The following HFM1 variants were observed in gnomAD, a reference collection of about 807,000 sequenced individuals.
HFM1 encodes helicase for meiosis 1.
Under a neutral mutation model 192.1 loss-of-function variants are expected in HFM1, and 169 were observed. That is an observed-to-expected ratio of 0.88 (90% CI 0.78 to 1.00). The LOEUF (loss-of-function observed/expected upper bound fraction) is 1.00, where lower values mean the gene tolerates loss of function less well. HFM1 is among the 50% of genes least tolerant of loss of function. The pLI is 0.00. For missense variants in HFM1, 1,661 were observed against 1,668.0 expected (o/e 1.00, Z 0.07); for synonymous variants, 525 against 537.8 (o/e 0.98, Z 0.33).
rs564205263 is a variant in HFM1, at chr1:91,302,762, T to A, written c.3391+10587A>T. ...ACACATAGACACAGGAAGTGGAACA[T>A]CACACTCTGGGGCCTGTTGTGGGGT... On this transcript the variant is annotated intron_variant, in intron 30 of 38. Coordinates refer to ENST00000370425, the MANE Select transcript of HFM1 (RefSeq NM_001017975.6). Among the ~76,000 whole-genome samples the A allele has an allele frequency of 2.2e-3, 287 of 128,322 alleles. 4 individuals carry two copies. The highest frequency in any genetic ancestry group is 8.2e-3 in the African/African-American group (280 of 34,094). 84.2% of individuals were successfully genotyped at this position (128,322 alleles called of 152,430 possible). A position where few individuals can be genotyped will look rare whatever the true frequency, so the allele number is the denominator to read the frequency against.
chr1:91,315,784 T>C (rs1651100679), intron 28 of HFM1, 31 bp downstream of exon 28: 3 of 1,550,658 alleles, frequency 1.9e-6, no homozygotes, highest in Non-Finnish European at 2.6e-6. Context: ...TGCTTAGAAA[T>C]AAGATCAAAC....
intron 13 of HFM1, among the ~76,000 whole-genome samples, chr1:91,355,461 T>A (rs1657596274): frequency 6.7e-6 from 1 of 150,244 alleles, no homozygotes; most frequent in Non-Finnish European, 1.5e-5. Context: ...TCCAACTACA[T>A]GCTGCCTACC....
chr1:91,398,591 C>A (rs1382372964), intron 2 of HFM1, among the ~76,000 whole-genome samples: 1 of 152,110 alleles, frequency 6.6e-6, no homozygotes. Flanking sequence ...GGCCTTAGAC[C>A]ACCTTATAGT....
intron 16 of HFM1, among the ~76,000 whole-genome samples, chr1:91,351,898 T>C (rs1311898895): frequency 6.6e-6 from 1 of 152,046 alleles, no homozygotes; most frequent in Non-Finnish European, 1.5e-5. Context: ...CAAACTTTGG[T>C]AACTGTATAA....
chr1:91,323,842 C>T (rs1281090174), intron 21 of HFM1, among the ~76,000 whole-genome samples: 1 of 152,144 alleles, frequency 6.6e-6, no homozygotes, highest in African/African-American at 2.4e-5. Flanking sequence ...AATGTTTACA[C>T]AAAAATACAA....
intron 2 of HFM1, among the ~76,000 whole-genome samples, chr1:91,397,001 G>A (rs1663742013): frequency 1.3e-5 from 2 of 152,160 alleles, no homozygotes; most frequent in African/African-American, 4.8e-5. Context: ...CTGTACATGA[G>A]AGGGCTCTAG....
chr1:91,368,044 AG>A (rs1240404362), intron 13 of HFM1, among the ~76,000 whole-genome samples: 1 of 152,144 alleles, frequency 6.6e-6, no homozygotes. Context: ...AGAAGTTTAG[AG>A]AAAAAAGAAT....
intron 20 of HFM1, chr1:91,329,535 A>G (rs1178016858): frequency 5.5e-6 from 8 of 1,459,036 alleles, no homozygotes; most frequent in Non-Finnish European, 7.4e-6. Context: ...TTTCCCCATT[A>G]TACCTCCTTG....
intron 13 of HFM1, among the ~76,000 whole-genome samples, chr1:91,361,211 G>C (rs1658455551): frequency 1.3e-5 from 2 of 150,978 alleles, no homozygotes; most frequent in African/African-American, 4.9e-5. Context: ...TGAACCGAAG[G>C]AGATAGAGAC....
intron 30 of HFM1, among the ~76,000 whole-genome samples, chr1:91,305,811 T>A (rs1040863681): frequency 6.6e-5 from 10 of 152,014 alleles, no homozygotes; most frequent in African/African-American, 2.4e-4. Flanking sequence ...CAAGTGATCC[T>A]CCTACCTCGG....
rs1665918891 is a variant in HFM1, at chr1:91,267,899, G to A, written c.3773-44C>T. 4 of 1,035,378 alleles carry A rather than the reference G, an allele frequency of 3.9e-6. No individual in the cohort carries two copies. In the South Asian group the frequency reaches 4.3e-5, roughly 11 times the overall value. The allele number at this position is 1,035,378 out of a possible 1,614,324, so 64.1% of individuals were successfully genotyped here. ...TTTTATCTGCATCTGTCAAATGTTG[G>A]TTTCCAGATATATTAAGATTTCTGT... On this transcript the variant is annotated intron_variant, in intron 34 of 38. Coordinates refer to ENST00000370425, the MANE Select transcript of HFM1 (RefSeq NM_001017975.6).
chr1:91,295,479 C>T (rs1420840833), intron 30 of HFM1, among the ~76,000 whole-genome samples: 1 of 152,114 alleles, frequency 6.6e-6, no homozygotes, highest in African/African-American at 2.4e-5. Flanking sequence ...TCCTAATTTC[C>T]TCTTCTTATA....
At chr1:91,378,571 T>C (rs992668132) in intron 9 of HFM1, 91 bp from the exon 10 acceptor site, 2 of 732,602 alleles carry the variant, frequency 2.7e-6, no homozygotes, top group Non-Finnish European at 4.5e-6. Context: ...ACATGACGTA[T>C]TACAAATAAT....
intron 30 of HFM1, among the ~76,000 whole-genome samples, chr1:91,288,340 G>A (rs956094804): frequency 1.3e-5 from 2 of 150,788 alleles, no homozygotes; most frequent in African/African-American, 4.9e-5. Context: ...CAAGCCAGAA[G>A]AGAGTGGGGG....
intron 30 of HFM1, among the ~76,000 whole-genome samples, chr1:91,282,176 G>A (rs1667519248): frequency 6.6e-6 from 1 of 152,120 alleles, no homozygotes; most frequent in South Asian, 2.1e-4. Context: ...TTATAAGTTA[G>A]ATACTGGGTT....
chr1:91,343,538 ATT>A, intron 19 of HFM1, 28 bp from the exon 20 acceptor site: 1 of 939,526 alleles, frequency 1.1e-6, no homozygotes, highest in Non-Finnish European at 1.6e-6. Flanking sequence ...ACACATTTTA[ATT>A]TTAGTAAAAT....
At chr1:91,382,382 C>A (rs1661655248) in intron 6 of HFM1, among the ~76,000 whole-genome samples, 1 of 152,064 alleles carries the variant, frequency 6.6e-6, no homozygotes, top group Non-Finnish European at 1.5e-5. Context: ...TCCTCCCCAC[C>A]CTCATCCCAA....
Position 91,394,156 on chromosome 1 carries a change from T to TCAGGAACA in HFM1, c.423_430dup (p.Asp144ValfsTer8), listed in dbSNP as rs1663345851. 1.9e-6 allele frequency: 3 copies of TCAGGAACA among 1,609,440 alleles called. No individual in the cohort carries two copies. The Admixed American group carries it at 5.0e-5, about 27-fold the overall frequency. On this transcript the variant is annotated frameshift_variant, in exon 4 of 39. Transcript: ENST00000370425. LOFTEE classifies it high-confidence loss of function. The stretch of plus-strand genomic sequence containing the variant: ...TGCAAAATTAACTAATTTTGTATCA[T>TCAGGAACA]CAGGAACACTCTTCTCAGGTGCTAT...
At chr1:91,329,979 T>A (rs764770685) in intron 20 of HFM1, among the ~76,000 whole-genome samples, 1 of 152,164 alleles carries the variant, frequency 6.6e-6, no homozygotes, top group Admixed American at 6.5e-5. Context: ...GGAAGGCGCA[T>A]CTTAGCAGAT....
Sources: gnomAD v4.1 joint callset for allele counts (sites outside exome capture counted in the v4.1 genomes callset) on GRCh38, gnomAD v4.1.1 for gene constraint, MANE v1.5 for transcripts, NCBI Gene and HGNC (gene_info 2026-07-23, HGNC 2026-07-21) for gene names.